Variants in RNF135 observed in about 807,000 individuals in gnomAD.
RNF135 encodes E3 ubiquitin-protein ligase RNF135.
RNF135 carries 46 observed loss-of-function variants against 41.9 expected under a neutral mutation model. The observed-to-expected ratio is 1.10, with a 90% CI of 0.87 to 1.40. The LOEUF (loss-of-function observed/expected upper bound fraction) is 1.40, where lower values mean the gene tolerates loss of function less well. RNF135 is among the 40% of genes most tolerant of loss of function. RNF135 has a pLI of 0.00. For synonymous variants in RNF135, 238 were observed against 223.8 expected (o/e 1.06, Z -0.57); for missense variants, 539 against 549.8 (o/e 0.98, Z 0.20).
At chr17:30,991,953 A>G (rs1198023131) in intron 3 of RNF135, among the ~76,000 whole-genome samples, 1 of 145,146 alleles carries the variant, frequency 6.9e-6, no homozygotes, top group Non-Finnish European at 1.5e-5. Context: ...TTTTTTTGAG[A>G]AGCAGTTTCG....
intron 3 of RNF135, among the ~76,000 whole-genome samples, chr17:30,994,639 A>AT (rs113868552): frequency 3.6e-4 from 53 of 146,612 alleles, no homozygotes; most frequent in South Asian, 1.1e-3. Flanking sequence ...ATTTTATTTT[A>AT]TTTTTTTTTT....
intron 1 of RNF135, chr17:30,971,858 C>A: frequency 6.0e-6 from 2 of 330,758 alleles, no homozygotes; most frequent in Non-Finnish European, 8.9e-6. Flanking sequence ...CGTGCGTGAT[C>A]TCGGCTCACT....
At chr17:30,992,371 A>G (rs79451142) in intron 3 of RNF135, among the ~76,000 whole-genome samples, 4 of 139,550 alleles carry the variant, frequency 2.9e-5, no homozygotes, top group Non-Finnish European at 6.3e-5. Context: ...TCTGGCCTCA[A>G]TTTTTTTTTT....
At chr17:30,976,316 T>C (rs750543556) in intron 1 of RNF135, among the ~76,000 whole-genome samples, 4 of 152,234 alleles carry the variant, frequency 2.6e-5, no homozygotes, top group Non-Finnish European at 2.9e-5. Flanking sequence ...TTTCAATTTT[T>C]TTTGAATGTT....
At position 30,986,202 on chromosome 17, in the gene RNF135, G is replaced by A. The variant is rs142198378; in HGVS notation, c.516+1442G>A. 1.2e-3 allele frequency among the ~76,000 whole-genome samples: 178 copies of A among 151,842 alleles called. 1 individual carries two copies. The highest frequency in any genetic ancestry group is 3.9e-3 in the African/African-American group (162 of 41,440). Reference sequence around the variant, plus strand: ...CTGGACTCTCAACTTCAGGAGGATAGGGACTTTTGATGCTTTTTTTTTTTT... The same window carrying A: ...CTGGACTCTCAACTTCAGGAGGATAAGGACTTTTGATGCTTTTTTTTTTTT... On this transcript the variant is annotated intron_variant, in intron 2 of 4. Coordinates refer to ENST00000328381, the MANE Select transcript of RNF135 (RefSeq NM_032322.4).
chr17:30,985,011 C>T (rs1302604901), intron 2 of RNF135, among the ~76,000 whole-genome samples: 2 of 152,134 alleles, frequency 1.3e-5, no homozygotes, highest in South Asian at 4.1e-4. Flanking sequence ...CTGTGTATAA[C>T]GTTCTGGTGC....
chr17:30,970,834 T>C, upstream of RNF135: 2 of 581,404 alleles, frequency 3.4e-6, no homozygotes, highest in Non-Finnish European at 5.9e-6. Flanking sequence ...CGCGGCATGT[T>C]GGTTTCCCAG....
At chr17:30,992,476 T>C (rs1908051920) in intron 3 of RNF135, among the ~76,000 whole-genome samples, 1 of 152,210 alleles carries the variant, frequency 6.6e-6, no homozygotes. Flanking sequence ...GTTTCTTTTT[T>C]ATTTTTTGAG....
intron 2 of RNF135, among the ~76,000 whole-genome samples, chr17:30,985,883 G>T (rs532811148): frequency 6.6e-6 from 1 of 152,262 alleles, no homozygotes; most frequent in African/African-American, 2.4e-5. Context: ...AGCTACACTG[G>T]CCGCACAGTC....
At chr17:30,972,274 G>GT (rs1399436699) in intron 1 of RNF135, 1 of 151,742 alleles carries the variant, frequency 6.6e-6, no homozygotes, top group Admixed American at 6.6e-5. Flanking sequence ...TTTTTTGTAT[G>GT]TTTTTTTCTT....
the RNF135 span, among the ~76,000 whole-genome samples, chr17:30,965,652 TAAAG>T: frequency 1.3e-5 from 2 of 152,096 alleles, no homozygotes; most frequent in Admixed American, 6.6e-5. Context: ...GGCAAAACAG[TAAAG>T]AAAGAGTTTA....
chr17:30,975,542 A>G, intron 1 of RNF135: 2 of 780,526 alleles, frequency 2.6e-6, no homozygotes, highest in East Asian at 2.4e-5. Context: ...GGCCTCGAAA[A>G]TAGACATACA....
the RNF135 span, among the ~76,000 whole-genome samples, chr17:30,962,626 G>A: frequency 6.6e-6 from 1 of 151,736 alleles, no homozygotes. Context: ...TACCACGCCC[G>A]GCTACTTTTT....
At chr17:30,996,945 T>A (rs1307076936) in intron 3 of RNF135, among the ~76,000 whole-genome samples, 1 of 152,192 alleles carries the variant, frequency 6.6e-6, no homozygotes, top group Non-Finnish European at 1.5e-5. Context: ...ATAAAACACC[T>A]TCTATCTATG....
chr17:30,981,560 T>G (rs1292722366), intron 1 of RNF135, among the ~76,000 whole-genome samples: 1 of 152,202 alleles, frequency 6.6e-6, no homozygotes, highest in Non-Finnish European at 1.5e-5. Flanking sequence ...CTTGGTGACT[T>G]ATTTAGTTAG....
chr17:30,980,448 C>T (rs1428288564), intron 1 of RNF135, among the ~76,000 whole-genome samples: 17 of 123,602 alleles, frequency 1.4e-4, no homozygotes, highest in East Asian at 8.1e-4. Flanking sequence ...TAGGGGCGGC[C>T]GGGCAGAGGA....
At chr17:30,988,924 CT>C (rs572603845) in intron 3 of RNF135, among the ~76,000 whole-genome samples, 2,195 of 99,926 alleles carry the variant, frequency 0.022, 73 homozygotes, top group African/African-American at 0.083. Context: ...TTCTTTCTTT[CT>C]TTTTTTTTTT....
intron 1 of RNF135, among the ~76,000 whole-genome samples, chr17:30,983,353 A>ATATATATATATATATTTTTTTTT (rs1420453160): frequency 1.1e-4 from 4 of 35,726 alleles, no homozygotes; most frequent in Non-Finnish European, 1.6e-4. Flanking sequence ...ATATATATAT[A>ATATATATATATATATTTTTTTTT]TTTTTTTTTT....
chr17:30,970,752 C>T, upstream of RNF135: 2 of 413,830 alleles, frequency 4.8e-6, no homozygotes, highest in South Asian at 3.3e-5. Context: ...AGACATCCAA[C>T]GGTGCTGCAT....
Sources: gnomAD v4.1 joint callset for allele counts (sites outside exome capture counted in the v4.1 genomes callset) on GRCh38, gnomAD v4.1.1 for gene constraint, MANE v1.5 for transcripts, NCBI Gene and HGNC (gene_info 2026-07-23, HGNC 2026-07-21) for gene names.